Variants in PRKG1 observed in about 807,000 individuals in gnomAD.
The protein encoded by PRKG1 is protein kinase cGMP-dependent 1, also known as cGMP-dependent protein kinase 1.
In PRKG1, 35 loss-of-function variants were observed where a neutral mutation model predicts 88.1. The observed-to-expected ratio is 0.40, with a 90% CI of 0.30 to 0.53. The LOEUF is 0.53. PRKG1 is among the 20% of genes least tolerant of loss of function. The pLI, the probability that PRKG1 is intolerant of heterozygous loss-of-function variation, is 0.59. For synonymous variants in PRKG1, 303 were observed against 292.5 expected, an observed-to-expected ratio of 1.04 and a Z score of -0.37; for missense variants, 540 against 839.8, an observed-to-expected ratio of 0.64 and a Z score of 4.41.
At chr10:51,400,499 A>T (rs1465267896) in intron 2 of PRKG1, among the ~76,000 whole-genome samples, 1 of 152,182 alleles carries the variant, frequency 6.6e-6, no homozygotes, top group African/African-American at 2.4e-5. Flanking sequence ...TACAAGTTCA[A>T]ACTCCAGGGT....
At chr10:51,957,453 G>A (rs114500910) in intron 5 of PRKG1, among the ~76,000 whole-genome samples, 16,446 of 151,372 alleles carry the variant, frequency 0.11, 988 homozygotes, top group Admixed American at 0.13. Context: ...CACCATGCAC[G>A]GCTAATTTTT....
At chr10:51,022,790 A>T (rs1175191304) in intron 1 of PRKG1, among the ~76,000 whole-genome samples, 4 of 152,218 alleles carry the variant, frequency 2.6e-5, no homozygotes, top group African/African-American at 9.6e-5. Context: ...AGAACATAGG[A>T]TTTAACATAT....
rs991788418 is a variant in PRKG1, at chr10:51,428,145, T to A, written c.479-39578T>A. On this transcript the variant is annotated intron_variant, in intron 2 of 17. Coordinates refer to ENST00000373980, the MANE Select transcript of PRKG1 (RefSeq NM_006258.4). The stretch of plus-strand genomic sequence containing the variant: ...TGCTTTCTAACTGCTAGAACTTCTA[T>A]CGCATCTGAATAGCTTTCTGTTTTC... Among the ~76,000 whole-genome samples the A allele has an allele frequency of 3.9e-5, 6 of 152,328 alleles. 1 individual carries two copies. Among genetic ancestry groups the A allele is most frequent in the Admixed American group, 2.0e-4 (3 of 15,296 alleles).
chr10:51,082,770 T>A (rs1257075922), intron 1 of PRKG1, among the ~76,000 whole-genome samples: 1 of 152,158 alleles, frequency 6.6e-6, no homozygotes, highest in Non-Finnish European at 1.5e-5. Flanking sequence ...ACGTGTAGTT[T>A]AGTTGATGCC....
chr10:52,124,661 A>G (rs1253534016), intron 7 of PRKG1, among the ~76,000 whole-genome samples: 3 of 152,150 alleles, frequency 2.0e-5, no homozygotes, highest in Non-Finnish European at 4.4e-5. Flanking sequence ...ACTTTAGCTT[A>G]TTGTAATTTT....
At chr10:51,355,568 T>C (rs576821256) in intron 2 of PRKG1, among the ~76,000 whole-genome samples, 21 of 152,140 alleles carry the variant, frequency 1.4e-4, no homozygotes, top group Admixed American at 2.6e-4. Context: ...AGAAATCTAA[T>C]AGCCACAGTG....
intron 16 of PRKG1, 34 bp from the exon 17 acceptor site, chr10:52,290,189 CA>C: frequency 1.3e-6 from 2 of 1,587,778 alleles, no homozygotes; most frequent in African/African-American, 1.3e-5. Flanking sequence ...TTAGCTGACA[CA>C]AAATGTTTTT....
chr10:51,794,709 A>C (rs1838965701), intron 3 of PRKG1, among the ~76,000 whole-genome samples: 1 of 152,122 alleles, frequency 6.6e-6, no homozygotes, highest in Admixed American at 6.6e-5. Context: ...CAATGTATAC[A>C]TATGTTAAAA....
chr10:51,670,765 T>A lies in PRKG1; in HGVS notation c.593-133820T>A, dbSNP rs868099437. Among the ~76,000 whole-genome samples, 702 of 132,602 alleles carry A rather than the reference T, an allele frequency of 5.3e-3. 12 individuals carry two copies. Among genetic ancestry groups the A allele is most frequent in the African/African-American group, 0.017 (669 of 39,540 alleles). The allele number at this position is 132,602 out of a possible 152,430, so 87.0% of individuals were successfully genotyped here. A position where few individuals can be genotyped will look rare whatever the true frequency, so the allele number is the denominator to read the frequency against. On this transcript the variant is annotated intron_variant, in intron 3 of 17. Coordinates refer to ENST00000373980, the MANE Select transcript of PRKG1 (RefSeq NM_006258.4). Reference sequence around the variant, plus strand: ...AAAAATAAATAAATAAATAAATAAATAAATAAATAAATAAATAAATAAAAA... The same window carrying A: ...AAAAATAAATAAATAAATAAATAAAAAAATAAATAAATAAATAAATAAAAA...
At chr10:51,918,958 G>A (rs1218709026) in intron 5 of PRKG1, among the ~76,000 whole-genome samples, 3 of 152,054 alleles carry the variant, frequency 2.0e-5, no homozygotes, top group Admixed American at 6.6e-5. Context: ...AAGCCCACTC[G>A]TGCTTACAAG....
At chr10:51,162,851 G>C (rs1346215396) in intron 2 of PRKG1, among the ~76,000 whole-genome samples, 2 of 152,136 alleles carry the variant, frequency 1.3e-5, no homozygotes, top group Admixed American at 1.3e-4. Flanking sequence ...TTGAGCAGCT[G>C]TGACTACAGG....
intron 3 of PRKG1, among the ~76,000 whole-genome samples, chr10:51,468,094 A>G (rs930106091): frequency 3.3e-5 from 5 of 151,886 alleles, no homozygotes; most frequent in Middle Eastern, 3.2e-3. Context: ...GGATTTTTTA[A>G]ATCATATAAT....
chr10:52,013,684 C>G (rs12241188), intron 5 of PRKG1, among the ~76,000 whole-genome samples: 2,859 of 152,148 alleles, frequency 0.019, 92 homozygotes, highest in African/African-American at 0.065. Flanking sequence ...AATTGCAGGC[C>G]TTGATTCAAA....
intron 2 of PRKG1, among the ~76,000 whole-genome samples, chr10:51,350,490 G>GA (rs773928008): frequency 3.0e-4 from 45 of 152,024 alleles, no homozygotes; most frequent in Non-Finnish European, 4.9e-4. Flanking sequence ...TACTGAATGG[G>GA]AAAAAAACTG....
At chr10:52,287,703 A>AT (rs1422220536) in intron 14 of PRKG1, among the ~76,000 whole-genome samples, 1,585 of 150,130 alleles carry the variant, frequency 0.011, 21 homozygotes, top group African/African-American at 0.036. Flanking sequence ...TCAGTTAAAA[A>AT]AAAAAAAAAA....
intron 7 of PRKG1, among the ~76,000 whole-genome samples, chr10:52,093,699 T>C (rs1847109019): frequency 6.6e-6 from 1 of 152,152 alleles, no homozygotes; most frequent in Non-Finnish European, 1.5e-5. Context: ...ATCACCTCTG[T>C]TTATTACTTC....
At chr10:51,671,105 G>T (rs1043357591) in intron 3 of PRKG1, among the ~76,000 whole-genome samples, 1 of 152,126 alleles carries the variant, frequency 6.6e-6, no homozygotes, top group African/African-American at 2.4e-5. Flanking sequence ...TTTAATCAAT[G>T]AGAATCTGAT....
chr10:51,154,737 A>G (rs1393382203), intron 2 of PRKG1, among the ~76,000 whole-genome samples: 1 of 151,936 alleles, frequency 6.6e-6, no homozygotes, highest in Non-Finnish European at 1.5e-5. Context: ...AATTCTTCCC[A>G]GGCCAAAAAA....
At chr10:51,592,206 C>G (rs908537238) in intron 3 of PRKG1, among the ~76,000 whole-genome samples, 9 of 152,228 alleles carry the variant, frequency 5.9e-5, no homozygotes, top group African/African-American at 2.2e-4. Context: ...AGAGGCTGCC[C>G]TTTTCTCTAT....
Sources: allele counts gnomAD v4.1 joint callset (sites outside exome capture counted in the v4.1 genomes callset), GRCh38; gene constraint gnomAD v4.1.1; transcripts MANE v1.5; gene names NCBI Gene and HGNC (gene_info 2026-07-23, HGNC 2026-07-21).